MRPL27: variants seen among roughly 807,000 people sequenced by gnomAD.
MRPL27 encodes the protein mitochondrial ribosomal protein L27.
In MRPL27, 4 loss-of-function variants were observed where a neutral mutation model predicts 14.6. The ratio of observed to expected loss-of-function variants is 0.27; its 90% CI spans 0.14 to 0.63. The LOEUF is 0.63. Among genes scored for constraint, MRPL27 ranks in the 20% least tolerant of loss-of-function variants. MRPL27 has a pLI of 0.85. For synonymous variants in MRPL27, 82 were observed against 75.5 expected (o/e 1.09, Z -0.45); for missense variants, 196 against 192.8 (o/e 1.02, Z -0.10).
intron 3 of MRPL27, 133 bp downstream of exon 3, chr17:50,369,899 G>C (rs1913075733): frequency 1.0e-6 from 1 of 990,084 alleles, no homozygotes; most frequent in South Asian, 1.4e-5. Context: ...ATGAGATCGT[G>C]TAGGCATGGG....
At chr17:50,371,757 C>T (rs1913155183) in intron 1 of MRPL27, among the ~76,000 whole-genome samples, 1 of 152,134 alleles carries the variant, frequency 6.6e-6, no homozygotes, top group Non-Finnish European at 1.5e-5. Flanking sequence ...AAAACATGCC[C>T]GGCGCCAGGA....
chr17:50,368,751 T>C (rs1450502541), intron 3 of MRPL27: 2 of 672,900 alleles, frequency 3.0e-6, no homozygotes, highest in East Asian at 2.7e-5. Context: ...ATATGGATAA[T>C]GCATATGCTA....
At position 50,370,053 on chromosome 17, in the gene MRPL27, G is replaced by A; in HGVS notation, c.219C>T (p.Phe73=). 1.2e-6 allele frequency: 2 copies of A among 1,613,902 alleles called. No individual in the cohort carries two copies. The highest frequency in any genetic ancestry group is 1.7e-6 in the Non-Finnish European group (2 of 1,179,978). Residue 73 remains phenylalanine, a synonymous_variant, in exon 3 of 4, where the codon TTC becomes TTT. Transcript: ENST00000225969. ...TCACATGGGCACCTGGGTGCCAGCG[G>A]AAATGGCGCTGTGTTGCAATGATGT... ...AGNIIATQRH[F]RWHPGAHVGV... is the part of the protein sequence containing the mutation.
chr17:50,369,899 G>T, intron 3 of MRPL27, 133 bp downstream of exon 3: 2 of 990,082 alleles, frequency 2.0e-6, no homozygotes, highest in Non-Finnish European at 3.1e-6. Flanking sequence ...ATGAGATCGT[G>T]TAGGCATGGG....
intron 1 of MRPL27, chr17:50,372,760 C>G (rs747456057): frequency 3.6e-6 from 1 of 278,904 alleles, no homozygotes; most frequent in East Asian, 8.1e-5. Flanking sequence ...TTCCGAACAC[C>G]TACCGCCGTG....
In MRPL27 at chr17:50,370,520, C is replaced by T; in HGVS notation, c.107G>A (p.Gly36Asp). The T allele has an allele frequency of 6.2e-7, 1 of 1,614,208 alleles. No individual in the cohort carries two copies. The highest frequency in any genetic ancestry group is 8.5e-7 in the Non-Finnish European group (1 of 1,180,042). ...TCCACCGAGGTTTTTGGAGCTACCA[C>T]CCGACTTCTTGGATGCGTATCTGAC... ...LAVRYASKKS[G>D]GSSKNLGGKS... The change falls in exon 2 of 4, where the codon GGT becomes GAT. Residue 36 changes from glycine (G) to aspartate (D), a missense_variant. Gly to Asp is a moderately conservative substitution (Grantham distance 94). Coordinates refer to ENST00000225969, the MANE Select transcript of MRPL27 (RefSeq NM_016504.3).
In MRPL27 at chr17:50,368,064, GTC is replaced by G. The variant is rs1913013017; in HGVS notation, c.*26_*27del. 6.2e-7 allele frequency: 1 copy of G among 1,612,928 alleles called. No individual in the cohort carries two copies. The highest frequency in any genetic ancestry group is 2.2e-5 in the East Asian group (1 of 44,852). On this transcript the variant is annotated 3_prime_UTR_variant, in exon 4 of 4. Coordinates refer to ENST00000225969, the MANE Select transcript of MRPL27 (RefSeq NM_016504.3). ...ACCATCTCCTGTCACCTGGGCTCCAGTCTCTGTCCGATGGCCTCAACAGGACA... is the reference window on the plus strand; with the variant it reads ...ACCATCTCCTGTCACCTGGGCTCCAGTCTGTCCGATGGCCTCAACAGGACA...
intron 3 of MRPL27, 198 bp downstream of exon 3, chr17:50,369,834 C>T (rs981886403): frequency 8.9e-6 from 6 of 675,824 alleles, no homozygotes; most frequent in African/African-American, 3.7e-5. Context: ...GCTCCTTCCA[C>T]CCCGTCTAGG....
At chr17:50,372,594 C>T (rs1913203607) in intron 1 of MRPL27, among the ~76,000 whole-genome samples, 1 of 152,134 alleles carries the variant, frequency 6.6e-6, no homozygotes, top group Admixed American at 6.5e-5. Context: ...CTTCCTTCAC[C>T]GTCCAATCTA....
chr17:50,372,593 C>T (rs938633746), intron 1 of MRPL27, among the ~76,000 whole-genome samples: 2 of 152,162 alleles, frequency 1.3e-5, no homozygotes, highest in Non-Finnish European at 2.9e-5. Flanking sequence ...CCTTCCTTCA[C>T]CGTCCAATCT....
At chr17:50,370,186 G>T in intron 2 of MRPL27, 87 bp from the exon 3 acceptor site, 1 of 1,396,264 alleles carries the variant, frequency 7.2e-7, no homozygotes, top group African/African-American at 1.5e-5. Context: ...CAACCTCCAA[G>T]CCTGCCCCTG....
intron 2 of MRPL27, 47 bp downstream of exon 2, chr17:50,370,408 T>C (rs1320420580): frequency 3.3e-5 from 54 of 1,613,210 alleles, no homozygotes; most frequent in Non-Finnish European, 4.5e-5. Flanking sequence ...CTAAGGAACA[T>C]GAGGACAGGG....
intron 3 of MRPL27, 195 bp downstream of exon 3, chr17:50,369,837 C>A: frequency 1.5e-6 from 1 of 683,648 alleles, no homozygotes; most frequent in Non-Finnish European, 2.5e-6. Context: ...CCTTCCACCC[C>A]GTCTAGGTCT....
intron 1 of MRPL27, 139 bp from the exon 2 acceptor site, chr17:50,370,725 T>G: frequency 8.3e-7 from 1 of 1,205,916 alleles, no homozygotes; most frequent in Non-Finnish European, 1.2e-6. Context: ...CTGAGTGTAT[T>G]AGTTCTCAGG....
intron 1 of MRPL27, chr17:50,372,772 C>G: frequency 3.2e-6 from 1 of 315,192 alleles, no homozygotes; most frequent in Non-Finnish European, 6.0e-6. Flanking sequence ...ACCGCCGTGT[C>G]TAGCACAAAG....
In MRPL27 at chr17:50,369,864, CTTACA is replaced by C. The variant is rs1237661333; in HGVS notation, c.240+163_240+167del. Reference sequence around the variant, plus strand: ...TCTAGGTCTCTGGCATTTCACCTTACTTACAGGGATGTGGTAAGGAAGAAATGAGA... The same window carrying C: ...TCTAGGTCTCTGGCATTTCACCTTACGGGATGTGGTAAGGAAGAAATGAGA... On this transcript the variant is annotated intron_variant, in intron 3 of 3. Transcript: ENST00000225969. The C allele has an allele frequency of 7.4e-6, 6 of 806,226 alleles. No individual in the cohort carries two copies. The East Asian group carries it at 1.7e-4, about 22-fold the overall frequency. The allele number at this position is 806,226 out of a possible 1,614,324, so 49.9% of individuals were successfully genotyped here.
chr17:50,372,816 T>G (rs1005524654), intron 1 of MRPL27: 9 of 418,356 alleles, frequency 2.2e-5, no homozygotes, highest in African/African-American at 1.7e-4. Context: ...ATAGATTAAT[T>G]TTTTCAACCC....
At chr17:50,372,769 T>G (rs576008275) in intron 1 of MRPL27, 1 of 293,052 alleles carries the variant, frequency 3.4e-6, no homozygotes, top group Admixed American at 4.9e-5. Flanking sequence ...CCTACCGCCG[T>G]GTCTAGCACA....
At chr17:50,369,932 TG>T (rs1913076755) in intron 3 of MRPL27, 99 bp downstream of exon 3, 1 of 1,314,652 alleles carries the variant, frequency 7.6e-7, no homozygotes, top group Middle Eastern at 1.8e-4. Context: ...GCTTGCCATT[TG>T]GTAAGCACTC....
Sources: gnomAD v4.1 joint callset for allele counts (sites outside exome capture counted in the v4.1 genomes callset) on GRCh38, gnomAD v4.1.1 for gene constraint, MANE v1.5 for transcripts, NCBI Gene and HGNC (gene_info 2026-07-23, HGNC 2026-07-21) for gene names.